Variants in SGCD observed in about 807,000 individuals in gnomAD.
The protein encoded by SGCD is delta-sarcoglycan.
In SGCD, 18 loss-of-function variants were observed where a neutral mutation model predicts 36.6. The observed-to-expected ratio is 0.49, with a 90% CI of 0.34 to 0.73. The LOEUF is 0.73. SGCD is among the 30% of genes least tolerant of loss of function. The pLI is 0.01. For synonymous variants in SGCD, 133 were observed against 130.6 expected, an observed-to-expected ratio of 1.02 and a Z score of -0.12; for missense variants, 387 against 346.7, an observed-to-expected ratio of 1.12 and a Z score of -0.92.
intron 1 of SGCD, among the ~76,000 whole-genome samples, chr5:156,045,626 C>T (rs1759744842): frequency 6.6e-6 from 1 of 152,114 alleles, no homozygotes; most frequent in Non-Finnish European, 1.5e-5. Flanking sequence ...GTTCTAGATC[C>T]AACTAAAGCA....
intron 4 of SGCD, among the ~76,000 whole-genome samples, chr5:156,561,265 A>G (rs977001884): frequency 2.0e-5 from 3 of 152,188 alleles, no homozygotes; most frequent in Admixed American, 6.5e-5. Flanking sequence ...GTCAGAGTAG[A>G]TGCCCTCTGA....
intron 1 of SGCD, among the ~76,000 whole-genome samples, chr5:155,919,388 T>C (rs1322046553): frequency 6.6e-6 from 1 of 152,238 alleles, no homozygotes; most frequent in Non-Finnish European, 1.5e-5. Flanking sequence ...AAAACTTGCA[T>C]TGCAGAGAGG....
Position 156,760,782 on chromosome 5 carries a change from GA to G in SGCD, c.*1395del, listed in dbSNP as rs1757486377. Reference sequence around the variant, plus strand: ...TACACCATCTCTGTTCAAAGAGGGGGAAATGTGCCTATGCCTTAAGTCAATG... The same window carrying G: ...TACACCATCTCTGTTCAAAGAGGGGGAATGTGCCTATGCCTTAAGTCAATG... On this transcript the variant is annotated 3_prime_UTR_variant, in exon 9 of 9. Transcript: ENST00000337851. 6.6e-6 allele frequency: 1 copy of G among 152,658 alleles called. No individual in the cohort carries two copies. Among genetic ancestry groups the G allele is most frequent in the South Asian group, 2.1e-4 (1 of 4,836 alleles). The allele number at this position is 152,658 out of a possible 1,614,324, so 9.5% of individuals were successfully genotyped here.
At chr5:156,716,195 A>G (rs1755214753) in intron 7 of SGCD, among the ~76,000 whole-genome samples, 1 of 152,186 alleles carries the variant, frequency 6.6e-6, no homozygotes, top group Non-Finnish European at 1.5e-5. Flanking sequence ...TTTGATGTTG[A>G]TGATAAAAGC....
intron 3 of SGCD, among the ~76,000 whole-genome samples, chr5:156,436,961 G>C (rs1753271887): frequency 6.6e-6 from 1 of 152,096 alleles, no homozygotes; most frequent in Admixed American, 6.6e-5. Flanking sequence ...TAGAATTGGA[G>C]CATCTTATGG....
At chr5:156,705,660 T>A (rs1027106316) in intron 7 of SGCD, among the ~76,000 whole-genome samples, 32 of 152,290 alleles carry the variant, frequency 2.1e-4, no homozygotes, top group African/African-American at 7.7e-4. Flanking sequence ...ATATAGTCTG[T>A]ACTGATTAAG....
chr5:156,607,387 G>T (rs1761521109), intron 6 of SGCD, among the ~76,000 whole-genome samples: 1 of 152,178 alleles, frequency 6.6e-6, no homozygotes, highest in African/African-American at 2.4e-5. Flanking sequence ...TGCATCCCAG[G>T]GATGAAGCCC....
Position 155,889,865 on chromosome 5 carries a change from G to A in SGCD, c.-282+19441G>A, listed in dbSNP as rs761359385. 9.2e-5 allele frequency among the ~76,000 whole-genome samples: 14 copies of A among 152,132 alleles called. No individual in the cohort carries two copies. In the East Asian group the frequency reaches 2.7e-3, roughly 29 times the overall value. ...TGTGGGCACCCGCCCTATTCCTTGG[G>A]CTGGTTGGGCTGGAATGGTGAAGAA... On this transcript the variant is annotated intron_variant, in intron 1 of 9. Transcript: ENST00000517913.
At chr5:156,342,547 T>C (rs1407505576) in intron 2 of SGCD, among the ~76,000 whole-genome samples, 1 of 152,264 alleles carries the variant, frequency 6.6e-6, no homozygotes, top group African/African-American at 2.4e-5. Context: ...TTCAGGCTTA[T>C]AAAGCATTAT....
intron 4 of SGCD, among the ~76,000 whole-genome samples, chr5:156,539,164 G>A (rs1246615420): frequency 2.0e-5 from 3 of 151,914 alleles, no homozygotes; most frequent in Non-Finnish European, 4.4e-5. Context: ...AGGGAAGGAA[G>A]GGGTGTGTCT....
chr5:156,026,766 G>C (rs1176647485), intron 1 of SGCD, among the ~76,000 whole-genome samples: 2 of 152,138 alleles, frequency 1.3e-5, no homozygotes, highest in South Asian at 2.1e-4. Flanking sequence ...AGAGTCCATA[G>C]ATCATGGAAT....
At chr5:156,544,499 A>G (rs1042377557) in intron 4 of SGCD, among the ~76,000 whole-genome samples, 2 of 152,160 alleles carry the variant, frequency 1.3e-5, no homozygotes, top group Admixed American at 6.5e-5. Context: ...TGAAATAAAT[A>G]CAGTGTTAAT....
chr5:155,819,212 T>A, the SGCD span, among the ~76,000 whole-genome samples: 6 of 152,340 alleles, frequency 3.9e-5, no homozygotes, highest in African/African-American at 9.6e-5. Flanking sequence ...CATTAAAGAT[T>A]CATTTTCTAA....
intron 3 of SGCD, among the ~76,000 whole-genome samples, chr5:156,212,954 T>C (rs927943080): frequency 6.6e-6 from 1 of 151,960 alleles, no homozygotes; most frequent in African/African-American, 2.4e-5. Context: ...GACACAAATA[T>C]AAATATACAT....
chr5:155,849,811 A>G, the SGCD span, among the ~76,000 whole-genome samples: 2 of 152,214 alleles, frequency 1.3e-5, no homozygotes, highest in Non-Finnish European at 2.9e-5. Flanking sequence ...TCTCCCTTTT[A>G]AATATCATAA....
At chr5:156,505,921 AAG>A (rs1756674863) in intron 3 of SGCD, among the ~76,000 whole-genome samples, 1 of 152,158 alleles carries the variant, frequency 6.6e-6, no homozygotes, top group African/African-American at 2.4e-5. Context: ...GTTTACATAA[AAG>A]AAAATTGGAC....
At chr5:156,137,880 G>A in intron 3 of SGCD, among the ~76,000 whole-genome samples, 1 of 152,016 alleles carries the variant, frequency 6.6e-6, no homozygotes, top group East Asian at 1.9e-4. Context: ...CAGCAAAATA[G>A]TTAACTCATT....
the SGCD span, among the ~76,000 whole-genome samples, chr5:155,851,703 T>C: frequency 2.0e-5 from 3 of 152,200 alleles, no homozygotes; most frequent in Non-Finnish European, 4.4e-5. Flanking sequence ...AATACATACA[T>C]CATCCTGGCC....
chr5:155,833,054 G>GAAAAAAA, the SGCD span, among the ~76,000 whole-genome samples: 1 of 120,170 alleles, frequency 8.3e-6, no homozygotes, highest in African/African-American at 2.9e-5. Flanking sequence ...CTAAAAATAC[G>GAAAAAAA]AAAAAAAAAA....
Sources: allele counts gnomAD v4.1 joint callset (sites outside exome capture counted in the v4.1 genomes callset), GRCh38; gene constraint gnomAD v4.1.1; transcripts MANE v1.5; gene names NCBI Gene and HGNC (gene_info 2026-07-23, HGNC 2026-07-21).